The following LONRF1 variants were observed in gnomAD, a reference collection of about 807,000 sequenced individuals.
LONRF1 encodes LON peptidase N-terminal domain and ring finger 1, also known as LON peptidase N-terminal domain and RING finger protein 1.
LONRF1 carries 37 observed loss-of-function variants against 85.8 expected under a neutral mutation model. That is an observed-to-expected ratio of 0.43 (90% confidence interval 0.33 to 0.57). The LOEUF (loss-of-function observed/expected upper bound fraction) is 0.57, where lower values mean the gene tolerates loss of function less well. Among genes scored for constraint, LONRF1 ranks in the 20% least tolerant of loss-of-function variants. The pLI is 0.04. For synonymous variants in LONRF1, 517 were observed against 390.1 expected (o/e 1.33, Z -3.83); for missense variants, 1,036 against 978.0 (o/e 1.06, Z -0.79).
In LONRF1 at chr8:12,736,760, A is replaced by G. The variant is rs370559878; in HGVS notation, c.1392T>C (p.Tyr464=). 176 of 1,611,842 alleles carry G rather than the reference A, an allele frequency of 1.1e-4. No homozygotes were observed. Among genetic ancestry groups the G allele is most frequent in the Non-Finnish European group, 1.4e-4 (162 of 1,179,012 alleles). Residue 464 remains tyrosine (Y), a synonymous_variant, in exon 6 of 12, where the codon TAT becomes TAC. Transcript: ENST00000398246. Reference sequence around the variant, plus strand: ...CGATTAATTCTTCTGGAATATCACCATAAGCTAAGGAAAACATACAGACTT... The same window carrying G: ...CGATTAATTCTTCTGGAATATCACCGTAAGCTAAGGAAAACATACAGACTT... ...PNEVCMFSLA[Y]GDIPEELIDV... is the part of the protein sequence containing the mutation.
Position 12,725,836 on chromosome 8 carries a change from T to A in LONRF1, c.2054A>T (p.Asp685Val). Residue 685 changes from aspartate (D) to valine (V), a missense_variant, in exon 11 of 12, where the codon GAT becomes GTT. Coordinates refer to ENST00000398246, the MANE Select transcript of LONRF1 (RefSeq NM_152271.5). ...DEIKNLRELH[D>V]LVYSQACSWF... ...GCTGCAGGCTTGAGAGTAAACCAAATCATGAAGCTCTCTGAGATTCTTAAT... is the reference window on the plus strand; with the variant it reads ...GCTGCAGGCTTGAGAGTAAACCAAAACATGAAGCTCTCTGAGATTCTTAAT... The A allele has an allele frequency of 6.2e-7, 1 of 1,613,364 alleles. No homozygotes were observed. The highest frequency in any genetic ancestry group is 8.5e-7 in the Non-Finnish European group (1 of 1,179,590).
chr8:12,740,793 C>T, intron 3 of LONRF1, 81 bp downstream of exon 3: 1 of 1,522,498 alleles, frequency 6.6e-7, no homozygotes. Flanking sequence ...TGTTCTTATT[C>T]CAACTTTTAT....
At chr8:12,752,202 AACTACAACCGTACAGTTAT>A (rs1799435835) in intron 1 of LONRF1, among the ~76,000 whole-genome samples, 1 of 152,208 alleles carries the variant, frequency 6.6e-6, no homozygotes, top group Non-Finnish European at 1.5e-5. Context: ...GATCATTAAT[AACTACAACCGTACAGTTAT>A]ATAAATACAT....
In LONRF1 at chr8:12,733,874, A is replaced by G. The variant is rs376847945; in HGVS notation, c.1566+1412T>C. Among the ~76,000 whole-genome samples, 10 of 152,330 alleles carry G rather than the reference A, an allele frequency of 6.6e-5. No homozygotes were observed. In the East Asian group the frequency reaches 1.7e-3, roughly 26 times the overall value. On this transcript the variant is annotated intron_variant, in intron 7 of 11. Transcript: ENST00000398246. ...TATATGTATTTTGAATTTACAAATTATATTACGCAGGGTATCTTCAAAGTT... is the reference window on the plus strand; with the variant it reads ...TATATGTATTTTGAATTTACAAATTGTATTACGCAGGGTATCTTCAAAGTT...
chr8:12,736,129 A>G (rs1390080094), intron 6 of LONRF1, among the ~76,000 whole-genome samples: 4 of 152,134 alleles, frequency 2.6e-5, no homozygotes, highest in Non-Finnish European at 5.9e-5. Context: ...CTACCAGCCT[A>G]GTGTGACCAG....
chr8:12,735,448 T>A (rs1370094497), intron 6 of LONRF1, 48 bp from the exon 7 acceptor site: 4 of 1,167,668 alleles, frequency 3.4e-6, no homozygotes, highest in Non-Finnish European at 5.0e-6. Context: ...AACTATCCAC[T>A]GAAAAGCTTG....
At chr8:12,751,687 C>T (rs534016681) in intron 1 of LONRF1, among the ~76,000 whole-genome samples, 1 of 149,494 alleles carries the variant, frequency 6.7e-6, no homozygotes, top group South Asian at 2.2e-4. Context: ...CACCTTACAA[C>T]CTTTTTTTTT....
intron 3 of LONRF1, among the ~76,000 whole-genome samples, chr8:12,739,942 G>T (rs1418395271): frequency 6.6e-6 from 1 of 152,152 alleles, no homozygotes; most frequent in Non-Finnish European, 1.5e-5. Flanking sequence ...TCTTAAGGCG[G>T]CTGAGATCTG....
At chr8:12,740,602 T>G (rs1177545982) in intron 3 of LONRF1, among the ~76,000 whole-genome samples, 1 of 152,146 alleles carries the variant, frequency 6.6e-6, no homozygotes, top group Non-Finnish European at 1.5e-5. Flanking sequence ...AATGCTTAAT[T>G]AAGGACCATC....
intron 3 of LONRF1, 108 bp downstream of exon 3, chr8:12,740,766 G>C (rs1798901548): frequency 3.0e-6 from 4 of 1,355,370 alleles, no homozygotes. Flanking sequence ...TCCTAAGTTA[G>C]ATTTATTTAC....
Position 12,729,053 on chromosome 8 carries a change from A to G in LONRF1, c.1858T>C (p.Tyr620His), listed in dbSNP as rs1798429421. The change falls in exon 10 of 12, where the codon TAT becomes CAT. Residue 620 changes from tyrosine (Y) to histidine (H), a missense_variant. Tyr to His is a moderately conservative substitution (Grantham distance 83). Coordinates refer to ENST00000398246, the MANE Select transcript of LONRF1 (RefSeq NM_152271.5). Reference sequence around the variant, plus strand: ...TTTCTAATTTGTAACATACAACCATAATCTGCAAAACTAAAAGAAAACCTT... The same window carrying G: ...TTTCTAATTTGTAACATACAACCATGATCTGCAAAACTAAAAGAAAACCTT... ...VSDTQNSFAD[Y>H]GCMLQIRNVH... 2 of 1,613,792 alleles carry G rather than the reference A, an allele frequency of 1.2e-6. No homozygotes were observed. The highest frequency in any genetic ancestry group is 1.1e-5 in the South Asian group (1 of 91,078).
chr8:12,732,382 T>A (rs1798561495), intron 7 of LONRF1, among the ~76,000 whole-genome samples: 1 of 152,214 alleles, frequency 6.6e-6, no homozygotes, highest in Admixed American at 6.5e-5. Flanking sequence ...ACCTCAACTC[T>A]GTCCTTGAGT....
chr8:12,723,325 A>T, intron 11 of LONRF1, 71 bp from the exon 12 acceptor site: 1 of 1,415,004 alleles, frequency 7.1e-7, no homozygotes, highest in Non-Finnish European at 9.6e-7. Flanking sequence ...AAACCACCAA[A>T]AAATTACTAT....
At chr8:12,726,504 T>G (rs1440351324) in intron 10 of LONRF1, among the ~76,000 whole-genome samples, 1 of 152,258 alleles carries the variant, frequency 6.6e-6, no homozygotes, top group Non-Finnish European at 1.5e-5. Context: ...AACCCCTCAG[T>G]GTATTCTTTA....
intron 8 of LONRF1, among the ~76,000 whole-genome samples, chr8:12,731,169 G>C (rs1252099060): frequency 6.6e-6 from 1 of 152,124 alleles, no homozygotes; most frequent in African/African-American, 2.4e-5. Flanking sequence ...TCTTTGCAGA[G>C]TGGCCTGCCT....
Position 12,740,898 on chromosome 8 carries a change from T to C in LONRF1, c.939A>G (p.Ala313=), listed in dbSNP as rs199520551. The change falls in exon 3 of 12, where the codon GCA becomes GCG. Residue 313 remains alanine, a synonymous_variant. Coordinates refer to ENST00000398246, the MANE Select transcript of LONRF1 (RefSeq NM_152271.5). ...CCTTTTGTACTTGCAGCTTTGCAGGTGCAAAATCTTCATCAAGGGCTAAGC... is the reference window on the plus strand; with the variant it reads ...CCTTTTGTACTTGCAGCTTTGCAGGCGCAAAATCTTCATCAAGGGCTAAGC... ...LQCLALDEDF[A]PAKLQVQKIL... 5.6e-6 allele frequency: 9 copies of C among 1,613,372 alleles called. No individual in the cohort carries two copies. The highest frequency in any genetic ancestry group is 7.6e-6 in the Non-Finnish European group (9 of 1,179,600).
chr8:12,742,414 CTT>C (rs1454423936), intron 2 of LONRF1, among the ~76,000 whole-genome samples: 1 of 152,092 alleles, frequency 6.6e-6, no homozygotes, highest in Non-Finnish European at 1.5e-5. Flanking sequence ...ATTCCTAAGT[CTT>C]TTTAAAAGCC....
chr8:12,743,741 T>G lies in LONRF1; in HGVS notation c.722-459A>C, dbSNP rs540576427. Reference sequence around the variant, plus strand: ...TGGAATTCCCACGGTGACAAGGGACTGATAAAGGCTCAATCTTATGAGCAT... The same window carrying G: ...TGGAATTCCCACGGTGACAAGGGACGGATAAAGGCTCAATCTTATGAGCAT... On this transcript the variant is annotated intron_variant, in intron 1 of 11. Transcript: ENST00000398246. Among the ~76,000 whole-genome samples the G allele has an allele frequency of 2.2e-4, 34 of 152,312 alleles. No homozygotes were observed. In the South Asian group the frequency reaches 7.0e-3, roughly 32 times the overall value.
intron 1 of LONRF1, among the ~76,000 whole-genome samples, chr8:12,745,977 G>A (rs976540724): frequency 2.6e-5 from 4 of 152,008 alleles, no homozygotes; most frequent in Non-Finnish European, 2.9e-5. Flanking sequence ...ATTTCCAACT[G>A]CCTGCCATAA....
Sources: allele counts gnomAD v4.1 joint callset (sites outside exome capture counted in the v4.1 genomes callset), GRCh38; gene constraint gnomAD v4.1.1; transcripts MANE v1.5; gene names NCBI Gene and HGNC (gene_info 2026-07-23, HGNC 2026-07-21).